The following CFAP157 variants were observed in gnomAD, a reference collection of about 807,000 sequenced individuals.
The protein encoded by CFAP157 is cilia and flagella associated protein 157.
A neutral mutation model predicts 57.8 loss-of-function variants in CFAP157; 43 were observed. The observed-to-expected ratio is 0.74, with a 90% confidence interval of 0.58 to 0.96. The LOEUF is 0.96. Among genes scored for constraint, CFAP157 ranks in the 40% least tolerant of loss-of-function variants. The pLI, the probability that CFAP157 is intolerant of heterozygous loss-of-function variation, is 0.00. For synonymous variants in CFAP157, 267 were observed against 269.0 expected (o/e 0.99, Z 0.07); for missense variants, 606 against 655.3 (o/e 0.92, Z 0.82).
intron 2 of CFAP157, among the ~76,000 whole-genome samples, chr9:127,710,282 CAAAA>C (rs60165824): frequency 8.5e-5 from 7 of 82,616 alleles, no homozygotes; most frequent in Non-Finnish European, 9.6e-5. Context: ...GACCCTGTCT[CAAAA>C]AAAAAAAAAA....
chr9:127,710,512 C>A, intron 2 of CFAP157, 89 bp from the exon 3 acceptor site: 2 of 1,473,664 alleles, frequency 1.4e-6, no homozygotes, highest in Non-Finnish European at 9.2e-7. Flanking sequence ...CAGGAAGGGA[C>A]AGGGACCTAA....
In CFAP157 at chr9:127,713,213, G is replaced by A. The variant is rs758791049; in HGVS notation, c.1491+7G>A. ...GGCACACAGCAGCCCTGAGGTGAGG[G>A]TGCCAGGGGCCCCAGGGAAAGCAAG... On this transcript the variant is annotated splice_region_variant and intron_variant, in intron 8 of 8. Transcript: ENST00000373295. 2.6e-6 allele frequency: 4 copies of A among 1,519,514 alleles called. No homozygotes were observed. In the South Asian group the frequency reaches 4.0e-5, roughly 15 times the overall value. The allele number at this position is 1,519,514 out of a possible 1,614,324, so 94.1% of individuals were successfully genotyped here. A position where few individuals can be genotyped will look rare whatever the true frequency, so the allele number is the denominator to read the frequency against.
intron 1 of CFAP157, among the ~76,000 whole-genome samples, chr9:127,707,808 G>C (rs117974917): frequency 2.6e-5 from 4 of 152,158 alleles, no homozygotes; most frequent in Non-Finnish European, 4.4e-5. Flanking sequence ...TTTCCTCCCC[G>C]TTGTGAGGCA....
In CFAP157 at chr9:127,715,684, C is replaced by T. The variant is rs372656710; in HGVS notation, c.*1779C>T. 1.3e-6 allele frequency: 2 copies of T among 1,592,150 alleles called. No homozygotes were observed. The highest frequency in any genetic ancestry group is 3.5e-5 in the Admixed American group (2 of 57,478). Reference sequence around the variant, plus strand: ...ACACCGCCCCCTGACGTCATCACCCCGCAGCAGCCAATCGTGTTGCCAACT... The same window carrying T: ...ACACCGCCCCCTGACGTCATCACCCTGCAGCAGCCAATCGTGTTGCCAACT... On this transcript the variant is annotated 3_prime_UTR_variant, in exon 9 of 9. Transcript: ENST00000373295. This position sits in a 1 kb window ranked among gnomAD's most constrained non-coding sequence, Gnocchi z 5.8.
At position 127,713,163 on chromosome 9, in the gene CFAP157, A is replaced by G. The variant is rs497632; in HGVS notation, c.1448A>G (p.Tyr483Cys). ...PNPQDLRLLS[Y>C]ITRVGTFRAH... ...CCCCAGGACCTCAGGCTGCTGTCAT[A>G]TATCACCCGTGTGGGGACCTTCCGG... is the stretch of plus-strand genomic sequence containing the variant. The change falls in exon 8 of 9, where the codon TAT (tyrosine) becomes TGT (cysteine). Residue 483 changes from tyrosine (Y) to cysteine (C), a missense_variant. Physicochemically the swap from Tyr to Cys is radical, Grantham distance 194. Transcript: ENST00000373295. The G allele has an allele frequency of 1.6e-5, 25 of 1,598,342 alleles. No homozygotes were observed. Among genetic ancestry groups the G allele is most frequent in the Non-Finnish European group, 2.0e-5 (24 of 1,171,298 alleles).
rs1327992231 is a variant in CFAP157, at chr9:127,715,130, C to G, written c.*1225C>G. On this transcript the variant is annotated 3_prime_UTR_variant, in exon 9 of 9. Transcript: ENST00000373295. The surrounding 1 kb of genome is among the most constrained non-coding windows in gnomAD (Gnocchi z 5.8). The stretch of plus-strand genomic sequence containing the variant: ...CACACCCAGCCGCCGCGCCAGCTGC[C>G]CCAGCACCGCCATGCCCACGCTGTG... 5.2e-6 allele frequency: 8 copies of G among 1,536,798 alleles called. No homozygotes were observed. Among genetic ancestry groups the G allele is most frequent in the Admixed American group, 1.9e-5 (1 of 51,780 alleles).
chr9:127,708,869 C>T (rs1285716486), intron 1 of CFAP157, among the ~76,000 whole-genome samples: 2 of 152,198 alleles, frequency 1.3e-5, no homozygotes, highest in African/African-American at 4.8e-5. Context: ...ATGCCAGGTA[C>T]AAAGACTTGG....
In CFAP157 at chr9:127,710,700, A is replaced by G; in HGVS notation, c.533A>G (p.Glu178Gly). The G allele has an allele frequency of 6.3e-7, 1 of 1,575,112 alleles. No individual in the cohort carries two copies. The highest frequency in any genetic ancestry group is 1.3e-5 in the African/African-American group (1 of 74,376). The change falls in exon 3 of 9, where the codon GAG becomes GGG. Residue 178 changes from glutamate (E) to glycine (G), a missense_variant. Physicochemically the swap from Glu to Gly is moderately conservative, Grantham distance 98. Transcript: ENST00000373295. ...GAGCAGGTGCGGAAGCAGGAGAATG[A>G]GTTCAGGGACTATGCATACAACCTG... is the stretch of plus-strand genomic sequence containing the variant. ...LEEQVRKQEN[E>G]FRDYAYNLEK...
chr9:127,711,375 G>T lies in CFAP157; in HGVS notation c.734G>T (p.Gly245Val). The T allele has an allele frequency of 6.2e-7, 1 of 1,614,204 alleles. No homozygotes were observed. The highest frequency in any genetic ancestry group is 8.5e-7 in the Non-Finnish European group (1 of 1,180,044). ...CAGATGGCCAGGGTCTCCCAGCAAG[G>T]CATGAAGCTGCTGCAGGAGAATGAG... Reference protein sequence around the residue: ...TLQMARVSQQGMKLLQENEQL... With the variant: ...TLQMARVSQQVMKLLQENEQL... Residue 245 changes from glycine (G) to valine (V), a missense_variant, in exon 4 of 9, where the codon GGC becomes GTC. Physicochemically the swap from Gly to Val is moderately radical, Grantham distance 109. Transcript: ENST00000373295.
At position 127,709,506 on chromosome 9, in the gene CFAP157, GA is replaced by G. The variant is rs1159013209; in HGVS notation, c.247del (p.Ile83LeufsTer28). 6.2e-7 allele frequency: 1 copy of G among 1,614,142 alleles called. No homozygotes were observed. The highest frequency in any genetic ancestry group is 2.2e-5 in the East Asian group (1 of 44,886). On this transcript the variant is annotated frameshift_variant, in exon 2 of 9. Coordinates refer to ENST00000373295, the MANE Select transcript of CFAP157 (RefSeq NM_001012502.3). LOFTEE classifies it high-confidence loss of function. The surrounding 1 kb of genome is among the most constrained non-coding windows in gnomAD (Gnocchi z 4.7). ...FEQLANNKKE[I>X]VAFLKRTLNQ... ...AGCAGCTGGCCAATAACAAGAAGGA[GA>G]TTGTGGCCTTCCTCAAGCGCACGCT...
chr9:127,713,414 G>A (rs926003225), intron 8 of CFAP157: 3 of 498,882 alleles, frequency 6.0e-6, no homozygotes, highest in Admixed American at 7.5e-5. Flanking sequence ...GGGGTTGGCT[G>A]GACCCTGTTC....
intron 4 of CFAP157, 36 bp from the exon 5 acceptor site, chr9:127,711,784 C>G: frequency 1.9e-6 from 3 of 1,543,604 alleles, no homozygotes; most frequent in Non-Finnish European, 2.6e-6. Context: ...GGGGACAGGG[C>G]AGGCTGAGGG....
In CFAP157 at chr9:127,712,117, G is replaced by GA. The variant is rs1325871268; in HGVS notation, c.987-79dup. 70 of 1,562,754 alleles carry GA rather than the reference G, an allele frequency of 4.5e-5. No individual in the cohort carries two copies. The Admixed American group carries it at 1.2e-3, about 27-fold the overall frequency. ...ATGGGGGCCCCTGTGGGCTTGGAGA[G>GA]AAATGGCAGGGCCCCTGGCCCCAGG... On this transcript the variant is annotated intron_variant, in intron 5 of 8. Transcript: ENST00000373295.
rs759710036 is a variant in CFAP157 at position 127,713,935 on chromosome 9, T to C, written c.*30T>C. 6.9e-6 allele frequency: 11 copies of C among 1,604,006 alleles called. No individual in the cohort carries two copies. The highest frequency in any genetic ancestry group is 9.4e-6 in the Non-Finnish European group (11 of 1,170,950). ...CAGAGAGAAGAACCTACTCCAGAAA[T>C]GGACTGGTCCAGTCACAGTCACCCC... On this transcript the variant is annotated 3_prime_UTR_variant, in exon 9 of 9. Coordinates refer to ENST00000373295, the MANE Select transcript of CFAP157 (RefSeq NM_001012502.3).
chr9:127,715,667 C>T lies in CFAP157; in HGVS notation c.*1762C>T. ...TGCCCCCATTCACTCCGACACCGCC[C>T]CCTGACGTCATCACCCCGCAGCAGC... On this transcript the variant is annotated 3_prime_UTR_variant, in exon 9 of 9. Coordinates refer to ENST00000373295, the MANE Select transcript of CFAP157 (RefSeq NM_001012502.3). This position sits in a 1 kb window ranked among gnomAD's most constrained non-coding sequence, Gnocchi z 5.8. 1 of 1,604,652 alleles carries T rather than the reference C, an allele frequency of 6.2e-7. No homozygotes were observed. Among genetic ancestry groups the T allele is most frequent in the Non-Finnish European group, 8.5e-7 (1 of 1,177,726 alleles).
chr9:127,715,477 C>A lies in CFAP157; in HGVS notation c.*1572C>A. ...CAGCAATTTGGGGGCACTCGGCTCCCGGGACATAATGGCCGAACTGAAGCT... is the reference window on the plus strand; with the variant it reads ...CAGCAATTTGGGGGCACTCGGCTCCAGGGACATAATGGCCGAACTGAAGCT... On this transcript the variant is annotated 3_prime_UTR_variant, in exon 9 of 9. Transcript: ENST00000373295. The surrounding 1 kb of genome is among the most constrained non-coding windows in gnomAD (Gnocchi z 5.8). The A allele has an allele frequency of 2.5e-6, 4 of 1,606,458 alleles. No homozygotes were observed. Among genetic ancestry groups the A allele is most frequent in the Non-Finnish European group, 3.4e-6 (4 of 1,175,788 alleles).
chr9:127,707,230 T>A (rs1378428634), intron 1 of CFAP157, 38 bp downstream of exon 1: 1 of 1,596,666 alleles, frequency 6.3e-7, no homozygotes, highest in Non-Finnish European at 8.5e-7. Flanking sequence ...GTGCCCTGGG[T>A]CAGAAGCCCA....
chr9:127,714,256 G>A lies in CFAP157; in HGVS notation c.*351G>A, dbSNP rs557298488. 2.3e-5 allele frequency: 37 copies of A among 1,613,950 alleles called. No individual in the cohort carries two copies. Among genetic ancestry groups the A allele is most frequent in the Non-Finnish European group, 3.0e-5 (35 of 1,179,984 alleles). On this transcript the variant is annotated 3_prime_UTR_variant, in exon 9 of 9. Transcript: ENST00000373295. Reference sequence around the variant, plus strand: ...CCGCCTCAGGGTGCGCCGGGCGCCCGATACCCACCCGCAGCCTTGGCATTG... The same window carrying A: ...CCGCCTCAGGGTGCGCCGGGCGCCCAATACCCACCCGCAGCCTTGGCATTG...
chr9:127,713,718 G>A (rs527611146), intron 8 of CFAP157, 116 bp from the exon 9 acceptor site: 106 of 781,754 alleles, frequency 1.4e-4, no homozygotes, highest in Non-Finnish European at 2.1e-4. Flanking sequence ...TGTTGGCCAG[G>A]CTGGTCTCGA....
Sources: allele counts gnomAD v4.1 joint callset (sites outside exome capture counted in the v4.1 genomes callset), GRCh38; gene constraint gnomAD v4.1.1; non-coding constraint Gnocchi (gnomAD v3.1); transcripts MANE v1.5; gene names NCBI Gene and HGNC (gene_info 2026-07-23, HGNC 2026-07-21).